TOP1: variants seen among roughly 807,000 people sequenced by gnomAD.
TOP1 encodes the protein DNA topoisomerase I, also known as DNA topoisomerase 1.
In TOP1, 10 loss-of-function variants were observed where a neutral mutation model predicts 111.1. The ratio of observed to expected loss-of-function variants is 0.09; its 90% CI spans 0.06 to 0.15. TOP1 has a LOEUF of 0.15. Ranked by LOEUF, TOP1 falls within the 10% of genes least tolerant of loss-of-function variation. The pLI, the probability that TOP1 is intolerant of heterozygous loss-of-function variation, is 1.00. For missense variants in TOP1, 474 were observed against 926.7 expected, an observed-to-expected ratio of 0.51 and a Z score of 6.34; for synonymous variants, 271 against 302.9, an observed-to-expected ratio of 0.89 and a Z score of 1.10.
chr20:41,037,594 TG>T lies in TOP1; in HGVS notation c.58+8140del, dbSNP rs779684083. On this transcript the variant is annotated intron_variant, in intron 2 of 20. Coordinates refer to ENST00000361337, the MANE Select transcript of TOP1 (RefSeq NM_003286.4). ...TGTGAGAATTTAGTACCAAATGCCGTGTTAACAGTTATGCGTGAGTATAGGC... is the reference window on the plus strand; with the variant it reads ...TGTGAGAATTTAGTACCAAATGCCGTTTAACAGTTATGCGTGAGTATAGGC... Among the ~76,000 whole-genome samples, 5 of 152,346 alleles carry T rather than the reference TG, an allele frequency of 3.3e-5. No homozygotes were observed. The South Asian group carries it at 8.3e-4, about 25-fold the overall frequency.
At chr20:41,087,057 T>C (rs1426826720) in intron 8 of TOP1, among the ~76,000 whole-genome samples, 3 of 152,228 alleles carry the variant, frequency 2.0e-5, no homozygotes, top group African/African-American at 7.2e-5. Flanking sequence ...GTACACACTT[T>C]ACAAGCTTGA....
rs750065432 is a variant in TOP1, at chr20:41,029,036, G to C, written c.-32G>C. On this transcript the variant is annotated 5_prime_UTR_variant, in exon 1 of 21. Transcript: ENST00000361337. This position sits in a 1 kb window ranked among gnomAD's most constrained non-coding sequence, Gnocchi z 6.1. ...GTCTGCGTCTCCCCCACGCCGCCTCGCCTGCCGCCGCGCTCGTCCCTCCGG... is the reference window on the plus strand; with the variant it reads ...GTCTGCGTCTCCCCCACGCCGCCTCCCCTGCCGCCGCGCTCGTCCCTCCGG... The C allele has an allele frequency of 1.9e-6, 3 of 1,542,114 alleles. No individual in the cohort carries two copies. Among genetic ancestry groups the C allele is most frequent in the Non-Finnish European group, 2.6e-6 (3 of 1,148,708 alleles).
At chr20:41,087,433 G>A (rs1351854725) in intron 8 of TOP1, among the ~76,000 whole-genome samples, 2 of 152,210 alleles carry the variant, frequency 1.3e-5, no homozygotes, top group African/African-American at 4.8e-5. Flanking sequence ...TCTTCATAAA[G>A]AATTACCTGG....
intron 2 of TOP1, among the ~76,000 whole-genome samples, chr20:41,050,331 T>A (rs1568675700): frequency 6.6e-6 from 1 of 152,178 alleles, no homozygotes; most frequent in Admixed American, 6.5e-5. Flanking sequence ...ATTCATCAGT[T>A]TTTTAAGGGT....
At chr20:41,113,720 A>AT (rs2034280226) in intron 14 of TOP1, among the ~76,000 whole-genome samples, 1 of 151,282 alleles carries the variant, frequency 6.6e-6, no homozygotes, top group African/African-American at 2.4e-5. Context: ...AAATACAAAA[A>AT]AAAAAAAAAA....
At chr20:41,072,610 G>A in intron 3 of TOP1, 1 of 985,432 alleles carries the variant, frequency 1.0e-6, no homozygotes, top group South Asian at 4.7e-5. Context: ...TCCTAGGAAA[G>A]ATTGGCAGTG....
rs775867561 is a variant in TOP1, at chr20:41,080,518, A to G, written c.431+338A>G. On this transcript the variant is annotated intron_variant, in intron 6 of 20. Coordinates refer to ENST00000361337, the MANE Select transcript of TOP1 (RefSeq NM_003286.4). This position sits in a 1 kb window ranked among gnomAD's most constrained non-coding sequence, Gnocchi z 5.0. ...TTGCCTACCACAGATAACTTAAAGC[A>G]GTTTCTCTTAGACCTATTCCTGTCA... 2.6e-5 allele frequency among the ~76,000 whole-genome samples: 4 copies of G among 152,220 alleles called. No individual in the cohort carries two copies. The highest frequency in any genetic ancestry group is 5.9e-5 in the Non-Finnish European group (4 of 68,026).
rs139644385 is a variant in TOP1 at position 41,063,051 on chromosome 20, T to G, written c.155+1561T>G. 1.9e-3 allele frequency among the ~76,000 whole-genome samples: 291 copies of G among 152,352 alleles called. 1 individual carries two copies. Among genetic ancestry groups the G allele is most frequent in the Non-Finnish European group, 2.6e-3 (175 of 68,030 alleles). On this transcript the variant is annotated intron_variant, in intron 3 of 20. Transcript: ENST00000361337. ...ACAAATGATCCTGTCACCCAGGTACTGAGCATAGAACCCAACAATTAGTTT... is the reference window on the plus strand; with the variant it reads ...ACAAATGATCCTGTCACCCAGGTACGGAGCATAGAACCCAACAATTAGTTT...
chr20:41,036,156 G>A (rs1277238423), intron 2 of TOP1, among the ~76,000 whole-genome samples: 1 of 152,144 alleles, frequency 6.6e-6, no homozygotes, highest in Admixed American at 6.5e-5. Context: ...GCCTTTTCAT[G>A]TCCCCTTTTT....
chr20:41,116,527 T>A lies in TOP1; in HGVS notation c.1822+135T>A. 1 of 627,106 alleles carries A rather than the reference T, an allele frequency of 1.6e-6. No homozygotes were observed. Among genetic ancestry groups the A allele is most frequent in the Non-Finnish European group, 2.8e-6 (1 of 353,022 alleles). The allele number at this position is 627,106 out of a possible 1,614,324, so 38.8% of individuals were successfully genotyped here. A position where few individuals can be genotyped will look rare whatever the true frequency, so the allele number is the denominator to read the frequency against. On this transcript the variant is annotated intron_variant, in intron 17 of 20. Transcript: ENST00000361337. The surrounding 1 kb of genome is among the most constrained non-coding windows in gnomAD (Gnocchi z 5.6). ...CAGACACTTTTTCCCTTTAGACCTC[T>A]AGTAGCGAGATAATGCTTTGTTGTA...
chr20:41,055,180 GA>G (rs978640110), intron 2 of TOP1, among the ~76,000 whole-genome samples: 2 of 152,188 alleles, frequency 1.3e-5, no homozygotes, highest in Non-Finnish European at 2.9e-5. Context: ...TTTGTTACTA[GA>G]AAGCATTAGT....
At position 41,082,277 on chromosome 20, in the gene TOP1, C is replaced by G. The variant is rs1397660322; in HGVS notation, c.507+1037C>G. Among the ~76,000 whole-genome samples, 1 of 152,198 alleles carries G rather than the reference C, an allele frequency of 6.6e-6. No homozygotes were observed. Among genetic ancestry groups the G allele is most frequent in the East Asian group, 1.9e-4 (1 of 5,204 alleles). On this transcript the variant is annotated intron_variant, in intron 7 of 20. Coordinates refer to ENST00000361337, the MANE Select transcript of TOP1 (RefSeq NM_003286.4). The surrounding 1 kb of genome is among the most constrained non-coding windows in gnomAD (Gnocchi z 4.1). ...ATCATAATAGAATGATGTTAATAAT[C>G]ACAATTAAATGTAATAGGTGCTTAC...
rs2034450808 is a variant in TOP1, at chr20:41,123,419, T to C, written c.*122T>C. On this transcript the variant is annotated 3_prime_UTR_variant, in exon 21 of 21. Coordinates refer to ENST00000361337, the MANE Select transcript of TOP1 (RefSeq NM_003286.4). The surrounding 1 kb of genome is among the most constrained non-coding windows in gnomAD (Gnocchi z 5.8). ...GGCAGCAAGTCTTAACAAACCAACA[T>C]CTTTGCGAAAAGATAAACCTGGAGA... 1.6e-6 allele frequency: 1 copy of C among 638,986 alleles called. No homozygotes were observed. The highest frequency in any genetic ancestry group is 2.0e-5 in the South Asian group (1 of 49,714). The allele number at this position is 638,986 out of a possible 1,614,324, so 39.6% of individuals were successfully genotyped here.
At chr20:41,077,486 A>T (rs935560725) in intron 4 of TOP1, 96 bp from the exon 5 acceptor site, 1 of 964,404 alleles carries the variant, frequency 1.0e-6, no homozygotes, top group African/African-American at 1.6e-5. Context: ...GCTTGTGATC[A>T]TGATGTCCCA....
In TOP1 at chr20:41,097,532, T is replaced by C. The variant is rs139804404; in HGVS notation, c.852+191T>C. Among the ~76,000 whole-genome samples the C allele has an allele frequency of 6.6e-6, 1 of 152,322 alleles. No homozygotes were observed. Among genetic ancestry groups the C allele is most frequent in the East Asian group, 1.9e-4 (1 of 5,190 alleles). On this transcript the variant is annotated intron_variant, in intron 10 of 20. Coordinates refer to ENST00000361337, the MANE Select transcript of TOP1 (RefSeq NM_003286.4). The surrounding 1 kb of genome is among the most constrained non-coding windows in gnomAD (Gnocchi z 4.2). ...GGTTTCTGTCCAACAAGAGTACTTG[T>C]ATATCTTTGCTATTGGCTCTCATGT...
chr20:41,067,781 C>T lies in TOP1; in HGVS notation c.155+6291C>T, dbSNP rs2033625303. Among the ~76,000 whole-genome samples the T allele has an allele frequency of 6.6e-6, 1 of 152,220 alleles. No homozygotes were observed. Among genetic ancestry groups the T allele is most frequent in the Non-Finnish European group, 1.5e-5 (1 of 68,048 alleles). On this transcript the variant is annotated intron_variant, in intron 3 of 20. Transcript: ENST00000361337. This position sits in a 1 kb window ranked among gnomAD's most constrained non-coding sequence, Gnocchi z 4.0. ...TTTACTGTCCTGTGCAGTAGCAATACTGCAGACTTGGAGTGGGAGAGTAGC... is the reference window on the plus strand; with the variant it reads ...TTTACTGTCCTGTGCAGTAGCAATATTGCAGACTTGGAGTGGGAGAGTAGC...
chr20:41,121,404 G>C lies in TOP1; in HGVS notation c.1951-292G>C, dbSNP rs960630211. Among the ~76,000 whole-genome samples, 50 of 152,302 alleles carry C rather than the reference G, an allele frequency of 3.3e-4. No individual in the cohort carries two copies. The highest frequency in any genetic ancestry group is 1.1e-3 in the African/African-American group (46 of 41,566). ...GATGTATGACAGCAGAGTGTTCTCT[G>C]ATGGAAAGATCAGCACCCAGATTCC... On this transcript the variant is annotated intron_variant, in intron 18 of 20. Coordinates refer to ENST00000361337, the MANE Select transcript of TOP1 (RefSeq NM_003286.4). The surrounding 1 kb of genome is among the most constrained non-coding windows in gnomAD (Gnocchi z 4.2).
chr20:41,096,762 T>G (rs2033988584), intron 9 of TOP1, among the ~76,000 whole-genome samples: 1 of 152,224 alleles, frequency 6.6e-6, no homozygotes, highest in African/African-American at 2.4e-5. Flanking sequence ...AGATGCCTAT[T>G]TCTTTTCCCC....
chr20:41,061,601 T>A lies in TOP1; in HGVS notation c.155+111T>A. The A allele has an allele frequency of 1.1e-6, 1 of 909,392 alleles. No homozygotes were observed. The highest frequency in any genetic ancestry group is 1.7e-6 in the Non-Finnish European group (1 of 597,558). The allele number at this position is 909,392 out of a possible 1,614,324, so 56.3% of individuals were successfully genotyped here. A position where few individuals can be genotyped will look rare whatever the true frequency, so the allele number is the denominator to read the frequency against. On this transcript the variant is annotated intron_variant, in intron 3 of 20. Transcript: ENST00000361337. The surrounding 1 kb of genome is among the most constrained non-coding windows in gnomAD (Gnocchi z 4.6). ...CTACATGTAAAGATAGCAAAGTAAG[T>A]AGAAACTGTATTTGATCCTAGAGTT...
Sources: gnomAD v4.1 joint callset for allele counts (sites outside exome capture counted in the v4.1 genomes callset) on GRCh38, gnomAD v4.1.1 for gene constraint, Gnocchi (gnomAD v3.1) non-coding constraint, MANE v1.5 for transcripts, NCBI Gene and HGNC (gene_info 2026-07-23, HGNC 2026-07-21) for gene names.